BBOX1: variants seen among roughly 807,000 people sequenced by gnomAD.
BBOX1 encodes the protein gamma-butyrobetaine dioxygenase.
Under a neutral mutation model 41.6 loss-of-function variants are expected in BBOX1, and 35 were observed. The observed-to-expected ratio is 0.84, with a 90% CI of 0.64 to 1.11. BBOX1 has a LOEUF of 1.11. Among genes scored for constraint, BBOX1 ranks in the 50% most tolerant of loss-of-function variants. The pLI, the probability that BBOX1 is intolerant of heterozygous loss-of-function variation, is 0.00. For missense variants in BBOX1, 458 were observed against 460.6 expected (o/e 0.99, Z 0.05); for synonymous variants, 163 against 154.7 (o/e 1.05, Z -0.40).
At chr11:27,072,352 T>C (rs970835826) in intron 4 of BBOX1, among the ~76,000 whole-genome samples, 3 of 152,026 alleles carry the variant, frequency 2.0e-5, no homozygotes, top group African/African-American at 7.2e-5. Context: ...TACCTAGGAA[T>C]CCAACTTACA....
intron 4 of BBOX1, among the ~76,000 whole-genome samples, chr11:27,065,734 T>G (rs1000824913): frequency 1.3e-5 from 2 of 152,226 alleles, no homozygotes; most frequent in African/African-American, 2.4e-5. Context: ...TTTTACTAGA[T>G]GTATTGATGT....
rs148270708 is a variant in BBOX1, at chr11:27,070,206, C to T, written c.334+12891C>T. ...TATTATATGGTCTGTCTTGGAAAAC[C>T]TTCCATGTGTTAGTAAGAATGTGTG... On this transcript the variant is annotated intron_variant, in intron 4 of 8. Transcript: ENST00000263182. Among the ~76,000 whole-genome samples the T allele has an allele frequency of 4.0e-3, 606 of 152,022 alleles. 4 individuals are homozygous for T. Among genetic ancestry groups the T allele is most frequent in the African/African-American group, 0.014 (587 of 41,492 alleles).
At chr11:27,113,236 C>A (rs2134089966) in intron 5 of BBOX1, among the ~76,000 whole-genome samples, 1 of 152,070 alleles carries the variant, frequency 6.6e-6, no homozygotes, top group Middle Eastern at 3.4e-3. Flanking sequence ...TTGTGGAAAG[C>A]AGTTTGGCAA....
chr11:27,044,613 A>C (rs2133940169), intron 2 of BBOX1, among the ~76,000 whole-genome samples: 1 of 152,260 alleles, frequency 6.6e-6, no homozygotes, highest in East Asian at 1.9e-4. Context: ...TTTTTGGATA[A>C]GGTGTAAGGA....
Position 27,057,232 on chromosome 11 carries a change from G to A in BBOX1, c.251G>A (p.Ser84Asn), listed in dbSNP as rs748833637. The A allele has an allele frequency of 6.3e-5, 102 of 1,611,046 alleles. 1 individual carries two copies. The South Asian group carries it at 8.8e-4, about 14-fold the overall frequency. Residue 84 changes from serine (S) to asparagine (N), a missense_variant, in exon 4 of 9, where the codon AGT becomes AAT. Coordinates refer to ENST00000263182, the MANE Select transcript of BBOX1 (RefSeq NM_003986.3). ...ATCACATGGCCCGATGAGCATTACA[G>A]TGAATTCCAGGCTGATTGGCTGAAG... Reference protein sequence around the residue: ...VYITWPDEHYSEFQADWLKKR... With the variant: ...VYITWPDEHYNEFQADWLKKR...
chr11:27,052,563 C>A (rs1415570842), intron 2 of BBOX1, among the ~76,000 whole-genome samples: 1 of 152,038 alleles, frequency 6.6e-6, no homozygotes, highest in Non-Finnish European at 1.5e-5. Flanking sequence ...TTTGTTCCAG[C>A]CAAACAACAT....
In BBOX1 at chr11:27,127,459, C is replaced by G. The variant is rs182242510; in HGVS notation, c.*6C>G. The G allele has an allele frequency of 9.4e-6, 15 of 1,592,564 alleles. 1 individual carries two copies. Among genetic ancestry groups the G allele is most frequent in the East Asian group, 8.9e-5 (4 of 44,750 alleles). On this transcript the variant is annotated 3_prime_UTR_variant, in exon 9 of 9. Coordinates refer to ENST00000263182, the MANE Select transcript of BBOX1 (RefSeq NM_003986.3). Reference sequence around the variant, plus strand: ...GGGTGGAGAATGGAAACTGAAGTCACCTGTAGATAATTTTAATAAGATTCC... The same window carrying G: ...GGGTGGAGAATGGAAACTGAAGTCAGCTGTAGATAATTTTAATAAGATTCC...
intron 5 of BBOX1, among the ~76,000 whole-genome samples, chr11:27,106,712 G>A (rs1397028104): frequency 6.6e-6 from 1 of 152,004 alleles, no homozygotes; most frequent in Non-Finnish European, 1.5e-5. Flanking sequence ...TCCAGGAATT[G>A]AACTCAGCTC....
chr11:27,048,180 T>A (rs887127888), intron 2 of BBOX1, among the ~76,000 whole-genome samples: 2 of 152,136 alleles, frequency 1.3e-5, no homozygotes, highest in African/African-American at 4.8e-5. Context: ...TTATTAACTA[T>A]AGTCACTATA....
At chr11:27,099,988 A>T (rs1858588672) in intron 5 of BBOX1, among the ~76,000 whole-genome samples, 1 of 152,140 alleles carries the variant, frequency 6.6e-6, no homozygotes, top group South Asian at 2.1e-4. Flanking sequence ...CCAGTTAAGG[A>T]TTCACAACAC....
chr11:27,099,224 T>G (rs1858554848), intron 5 of BBOX1, among the ~76,000 whole-genome samples: 2 of 151,904 alleles, frequency 1.3e-5, no homozygotes, highest in Non-Finnish European at 2.9e-5. Context: ...TAGCGAGACA[T>G]CCTTCTTTTC....
chr11:27,087,396 T>TTATGACTCA (rs1196767999), intron 4 of BBOX1, among the ~76,000 whole-genome samples: 10 of 152,102 alleles, frequency 6.6e-5, no homozygotes, highest in African/African-American at 2.4e-4. Context: ...AGCAAAAAGA[T>TTATGACTCA]TATGACTCAC....
intron 5 of BBOX1, among the ~76,000 whole-genome samples, chr11:27,098,339 A>G (rs548245852): frequency 5.3e-5 from 8 of 152,122 alleles, no homozygotes; most frequent in African/African-American, 1.7e-4. Flanking sequence ...TGGCATTATA[A>G]TAAACCAAAA....
At chr11:27,067,430 T>G (rs1379442808) in intron 4 of BBOX1, among the ~76,000 whole-genome samples, 4 of 151,988 alleles carry the variant, frequency 2.6e-5, no homozygotes, top group Non-Finnish European at 5.9e-5. Context: ...TGCTTGCTTT[T>G]GCATACCCAT....
chr11:27,091,783 T>C (rs1206796978), intron 4 of BBOX1, among the ~76,000 whole-genome samples: 13 of 151,926 alleles, frequency 8.6e-5, no homozygotes, highest in Admixed American at 5.9e-4. Flanking sequence ...CCGAGGCCTG[T>C]GGAATGTGTT....
intron 8 of BBOX1, among the ~76,000 whole-genome samples, chr11:27,126,777 G>A (rs1401019710): frequency 1.3e-5 from 2 of 150,108 alleles, no homozygotes; most frequent in Non-Finnish European, 2.9e-5. Flanking sequence ...CCGGGTTCAC[G>A]CCATTCTCCT....
chr11:27,126,688 T>C (rs1019760917), intron 8 of BBOX1, among the ~76,000 whole-genome samples: 11 of 150,820 alleles, frequency 7.3e-5, no homozygotes, highest in Admixed American at 4.6e-4. Context: ...TTTTTTTTTT[T>C]TTTTTGAGAC....
At chr11:27,107,266 C>CA (rs1163302923) in intron 5 of BBOX1, among the ~76,000 whole-genome samples, 1 of 151,888 alleles carries the variant, frequency 6.6e-6, no homozygotes, top group Non-Finnish European at 1.5e-5. Flanking sequence ...GATAGAGACA[C>CA]AAAAAACCCG....
At chr11:27,114,699 C>A (rs1184573478) in intron 5 of BBOX1, among the ~76,000 whole-genome samples, 1 of 145,678 alleles carries the variant, frequency 6.9e-6, no homozygotes, top group African/African-American at 2.5e-5. Context: ...TACCCCCATG[C>A]AAAGAATTAA....
Sources: allele counts gnomAD v4.1 joint callset (sites outside exome capture counted in the v4.1 genomes callset), GRCh38; gene constraint gnomAD v4.1.1; transcripts MANE v1.5; gene names NCBI Gene and HGNC (gene_info 2026-07-23, HGNC 2026-07-21).